CPNE8: variants seen among roughly 807,000 people sequenced by gnomAD.
CPNE8 encodes copine-8.
CPNE8 carries 45 observed loss-of-function variants against 81.5 expected under a neutral mutation model. That is an observed-to-expected ratio of 0.55 (90% CI 0.44 to 0.71). CPNE8 has a LOEUF of 0.71. CPNE8 is among the 30% of genes least tolerant of loss of function. The pLI, the probability that CPNE8 is intolerant of heterozygous loss-of-function variation, is 0.00. For missense variants in CPNE8, 594 were observed against 672.1 expected (o/e 0.88, Z 1.28); for synonymous variants, 252 against 226.3 (o/e 1.11, Z -1.02).
chr12:38,677,597 A>C (rs775090998), intron 16 of CPNE8, 43 bp from the exon 17 acceptor site: 1 of 1,077,588 alleles, frequency 9.3e-7, no homozygotes, highest in South Asian at 1.3e-5. Context: ...ACAGTTTTCT[A>C]TATGTGATGG....
intron 18 of CPNE8, 57 bp downstream of exon 18, chr12:38,675,660 A>G: frequency 9.3e-7 from 1 of 1,080,990 alleles, no homozygotes; most frequent in Non-Finnish European, 1.4e-6. Flanking sequence ...ACCCAAGAGC[A>G]TGTTACATTA....
chr12:38,770,743 G>A (rs1941784380), intron 7 of CPNE8, among the ~76,000 whole-genome samples: 1 of 152,026 alleles, frequency 6.6e-6, no homozygotes, highest in African/African-American at 2.4e-5. Context: ...CCCACCTCAG[G>A]ACCTTATACA....
At chr12:38,722,426 TAAG>T (rs1940589145) in intron 13 of CPNE8, among the ~76,000 whole-genome samples, 1 of 152,142 alleles carries the variant, frequency 6.6e-6, no homozygotes, top group Non-Finnish European at 1.5e-5. Flanking sequence ...TATCCTTAAT[TAAG>T]AGCAACAAGA....
At chr12:38,715,909 A>G (rs1161037461) in intron 13 of CPNE8, among the ~76,000 whole-genome samples, 1 of 152,076 alleles carries the variant, frequency 6.6e-6, no homozygotes, top group Non-Finnish European at 1.5e-5. Context: ...AACTCATCTA[A>G]AAAGCTCCTA....
intron 6 of CPNE8, among the ~76,000 whole-genome samples, chr12:38,776,954 T>C (rs1941950780): frequency 6.6e-6 from 1 of 152,018 alleles, no homozygotes; most frequent in South Asian, 2.1e-4. Context: ...AAACATCAAA[T>C]ATGTTACTGT....
At chr12:38,658,039 G>A (rs1232139895) in intron 19 of CPNE8, among the ~76,000 whole-genome samples, 2 of 152,174 alleles carry the variant, frequency 1.3e-5, no homozygotes, top group African/African-American at 4.8e-5. Context: ...AAGATGGATG[G>A]AGAATGAGTT....
upstream of CPNE8, chr12:38,905,945 C>G: frequency 2.0e-6 from 2 of 985,374 alleles, no homozygotes; most frequent in South Asian, 9.4e-5. Context: ...GCCGGCTCTG[C>G]GTGCTTTTAG....
intron 1 of CPNE8, among the ~76,000 whole-genome samples, chr12:38,875,584 T>C (rs1944054211): frequency 6.6e-6 from 1 of 152,180 alleles, no homozygotes; most frequent in South Asian, 2.1e-4. Context: ...ATCTGAAAAG[T>C]CCCTTTTTCA....
Position 38,670,669 on chromosome 12 carries a change from G to C in CPNE8, c.1506+60C>G, listed in dbSNP as rs1006340778. 12 of 1,178,140 alleles carry C rather than the reference G, an allele frequency of 1.0e-5. No individual in the cohort carries two copies. In the Admixed American group the frequency reaches 2.6e-4, roughly 26 times the overall value. The allele number at this position is 1,178,140 out of a possible 1,614,324, so 73.0% of individuals were successfully genotyped here. A position where few individuals can be genotyped will look rare whatever the true frequency, so the allele number is the denominator to read the frequency against. On this transcript the variant is annotated intron_variant, in intron 19 of 19. Transcript: ENST00000331366. ...TGTTATATTTCTAGCTTCTAATTTT[G>C]TTAAAGATCCCAATGATATTTTCTA...
chr12:38,702,935 A>T lies in CPNE8; in HGVS notation c.915-14T>A. 6.5e-7 allele frequency: 1 copy of T among 1,547,476 alleles called. No individual in the cohort carries two copies. Among genetic ancestry groups the T allele is most frequent in the Non-Finnish European group, 8.8e-7 (1 of 1,137,410 alleles). On this transcript the variant is annotated splice_polypyrimidine_tract_variant and intron_variant, in intron 13 of 19. Coordinates refer to ENST00000331366, the MANE Select transcript of CPNE8 (RefSeq NM_153634.3). ...TTGATTTGCGTCCTGGAATAGAAGT[A>T]AACAAGACTCATTAATAATGAAATA...
chr12:38,905,728 T>C, upstream of CPNE8: 1 of 1,418,438 alleles, frequency 7.1e-7, no homozygotes, highest in Non-Finnish European at 9.2e-7. Context: ...CGCTAGCCAG[T>C]CCTGGGTGAA....
intron 5 of CPNE8, among the ~76,000 whole-genome samples, chr12:38,830,600 G>A (rs1025158264): frequency 1.3e-5 from 2 of 152,190 alleles, no homozygotes; most frequent in African/African-American, 4.8e-5. Flanking sequence ...TCTCTAAATT[G>A]TTTGTGTACT....
chr12:38,867,988 T>C (rs1403912068), intron 3 of CPNE8, among the ~76,000 whole-genome samples: 15 of 152,198 alleles, frequency 9.9e-5, no homozygotes, highest in Non-Finnish European at 2.1e-4. Flanking sequence ...TATATTTATT[T>C]GGAGCATTTG....
intron 6 of CPNE8, among the ~76,000 whole-genome samples, chr12:38,784,080 G>T (rs1183844419): frequency 2.0e-5 from 3 of 152,176 alleles, no homozygotes; most frequent in Non-Finnish European, 2.9e-5. Flanking sequence ...AGACAGAGAA[G>T]TAAAAATAGC....
chr12:38,875,279 A>G (rs1944050642), intron 1 of CPNE8, among the ~76,000 whole-genome samples: 1 of 152,132 alleles, frequency 6.6e-6, no homozygotes, highest in Non-Finnish European at 1.5e-5. Flanking sequence ...GTTAAATTCA[A>G]TATGCTCTGA....
intron 10 of CPNE8, among the ~76,000 whole-genome samples, chr12:38,746,139 A>T (rs1941223026): frequency 6.6e-6 from 1 of 152,214 alleles, no homozygotes; most frequent in African/African-American, 2.4e-5. Flanking sequence ...TCTATTTCAT[A>T]GGATGGAGAT....
chr12:38,756,485 C>T (rs1278716413), intron 10 of CPNE8, among the ~76,000 whole-genome samples: 1 of 151,752 alleles, frequency 6.6e-6, no homozygotes, highest in Admixed American at 6.6e-5. Context: ...TCCCGAGTAG[C>T]GAGGACTACA....
chr12:38,711,944 A>T (rs1449585134), intron 13 of CPNE8, among the ~76,000 whole-genome samples: 2 of 152,138 alleles, frequency 1.3e-5, no homozygotes, highest in East Asian at 1.9e-4. Flanking sequence ...TTCCATGTGA[A>T]AATATTTATA....
At chr12:38,704,010 A>G (rs1038267019) in intron 13 of CPNE8, among the ~76,000 whole-genome samples, 3 of 152,174 alleles carry the variant, frequency 2.0e-5, no homozygotes, top group Non-Finnish European at 2.9e-5. Context: ...ACAGAAAGCA[A>G]ACACCACGTA....
Sources: allele counts gnomAD v4.1 joint callset (sites outside exome capture counted in the v4.1 genomes callset), GRCh38; gene constraint gnomAD v4.1.1; transcripts MANE v1.5; gene names NCBI Gene and HGNC (gene_info 2026-07-23, HGNC 2026-07-21).